The following KIAA1217 variants were observed in gnomAD, a reference collection of about 807,000 sequenced individuals.
KIAA1217 encodes sickle tail protein homolog.
KIAA1217 carries 88 observed loss-of-function variants against 163.9 expected under a neutral mutation model. The observed-to-expected ratio is 0.54, with a 90% CI of 0.45 to 0.64. The LOEUF (loss-of-function observed/expected upper bound fraction) is 0.64. KIAA1217 is among the 30% of genes least tolerant of loss of function. KIAA1217 has a pLI of 0.00. For missense variants in KIAA1217, 2,372 were observed against 2,475.0 expected, an observed-to-expected ratio of 0.96 and a Z score of 0.88; for synonymous variants, 903 against 923.1, an observed-to-expected ratio of 0.98 and a Z score of 0.39.
intron 1 of KIAA1217, among the ~76,000 whole-genome samples, chr10:23,887,918 T>G (rs780164970): frequency 2.3e-4 from 35 of 151,954 alleles, no homozygotes; most frequent in Non-Finnish European, 4.4e-4. Context: ...GGCCAGTGCT[T>G]ATGATATATC....
chr10:24,448,538 C>A (rs1482372697), intron 5 of KIAA1217, among the ~76,000 whole-genome samples: 2 of 152,154 alleles, frequency 1.3e-5, no homozygotes, highest in African/African-American at 4.8e-5. Context: ...TGGCACACAC[C>A]ACAATACTTG....
chr10:23,943,584 T>A (rs568134830), intron 1 of KIAA1217, among the ~76,000 whole-genome samples: 27 of 152,366 alleles, frequency 1.8e-4, no homozygotes, highest in African/African-American at 6.3e-4. Flanking sequence ...TGATTGAAAC[T>A]GCAACAGGCA....
chr10:23,920,275 G>A (rs571026848), intron 1 of KIAA1217, among the ~76,000 whole-genome samples: 2 of 152,286 alleles, frequency 1.3e-5, no homozygotes, highest in East Asian at 3.9e-4. Flanking sequence ...TTGTGACCAT[G>A]GAGATCCAGC....
Position 23,837,516 on chromosome 10 carries a change from C to T in KIAA1217, c.-321+142282C>T, listed in dbSNP as rs147113343. ...TGTTTCACTATTGAAATGACACATT[C>T]ACCTTTCCAGCAATCTCAGTCATTT... is the stretch of plus-strand genomic sequence containing the variant. On this transcript the variant is annotated intron_variant, in intron 1 of 18. Transcript: ENST00000376462. Among the ~76,000 whole-genome samples the T allele has an allele frequency of 1.1e-3, 171 of 152,204 alleles. 3 individuals are homozygous for T. The East Asian group carries it at 0.029, about 26-fold the overall frequency.
intron 2 of KIAA1217, among the ~76,000 whole-genome samples, chr10:24,063,236 T>A (rs915388312): frequency 5.3e-5 from 8 of 152,176 alleles, no homozygotes; most frequent in African/African-American, 1.7e-4. Context: ...CTGAATGGTA[T>A]TGCCTAGGTT....
chr10:23,879,844 G>C (rs1780517571), intron 1 of KIAA1217, among the ~76,000 whole-genome samples: 1 of 151,884 alleles, frequency 6.6e-6, no homozygotes, highest in Non-Finnish European at 1.5e-5. Context: ...GGAGAAGGAA[G>C]GAAGAATTGA....
At chr10:24,266,005 G>C (rs768645446) in intron 2 of KIAA1217, among the ~76,000 whole-genome samples, 5 of 151,272 alleles carry the variant, frequency 3.3e-5, no homozygotes, top group Admixed American at 6.6e-5. Flanking sequence ...AGGGCAGAAA[G>C]ATACTTTGTT....
At chr10:23,829,952 A>G (rs1291650564) in intron 1 of KIAA1217, among the ~76,000 whole-genome samples, 1 of 152,222 alleles carries the variant, frequency 6.6e-6, no homozygotes, top group African/African-American at 2.4e-5. Context: ...TAATTAGATC[A>G]AAGAATTCTC....
rs188807490 is a variant in KIAA1217, at chr10:24,423,795, G to A, written c.554-9200G>A. 3.8e-3 allele frequency among the ~76,000 whole-genome samples: 574 copies of A among 152,166 alleles called. 3 individuals are homozygous for A. Among genetic ancestry groups the A allele is most frequent in the African/African-American group, 0.013 (533 of 41,518 alleles). On this transcript the variant is annotated intron_variant, in intron 3 of 20. Coordinates refer to ENST00000376454, the MANE Select transcript of KIAA1217 (RefSeq NM_019590.5). The stretch of plus-strand genomic sequence containing the variant: ...AAGTGATCCACCCACCTTGGCCTCC[G>A]AAAGTTCTGGGATTACAGGCATGAG...
intron 2 of KIAA1217, among the ~76,000 whole-genome samples, chr10:24,236,723 C>T (rs2072323128): frequency 6.6e-6 from 1 of 151,294 alleles, no homozygotes; most frequent in Admixed American, 6.6e-5. Context: ...GCAAACATAG[C>T]TCACTGCAGC....
At chr10:23,776,839 C>A (rs936495146) in intron 1 of KIAA1217, among the ~76,000 whole-genome samples, 4 of 151,844 alleles carry the variant, frequency 2.6e-5, no homozygotes, top group Admixed American at 6.6e-5. Context: ...CACCACCACA[C>A]CCGGCTAATT....
At chr10:24,218,879 T>G (rs1196043530) in intron 1 of KIAA1217, among the ~76,000 whole-genome samples, 1 of 152,162 alleles carries the variant, frequency 6.6e-6, no homozygotes, top group Non-Finnish European at 1.5e-5. Context: ...CATGTGTCAA[T>G]GATTACTTAC....
rs375291537 is a variant in KIAA1217, at chr10:24,316,818, A to G, written c.355-64051A>G. ...TTTCCGAGCCAGAGATTAGATGCCT[A>G]CATATCTCTTTTGGCCTCAGCATTC... is the stretch of plus-strand genomic sequence containing the variant. On this transcript the variant is annotated intron_variant, in intron 2 of 20. Transcript: ENST00000376454. Among the ~76,000 whole-genome samples the G allele has an allele frequency of 9.4e-4, 143 of 152,324 alleles. 3 individuals carry two copies. The South Asian group carries it at 0.028, about 30-fold the overall frequency.
At chr10:23,986,964 G>T (rs1296103609) in intron 1 of KIAA1217, among the ~76,000 whole-genome samples, 1 of 152,138 alleles carries the variant, frequency 6.6e-6, no homozygotes, top group East Asian at 1.9e-4. Flanking sequence ...TTGTCAGGGG[G>T]CCTTCACAGA....
chr10:23,912,733 T>G (rs1482949261), intron 1 of KIAA1217, among the ~76,000 whole-genome samples: 4 of 152,178 alleles, frequency 2.6e-5, no homozygotes, highest in African/African-American at 9.6e-5. Context: ...AGGTAAAATT[T>G]TAAGACAGTG....
At chr10:24,241,385 T>TA (rs2073076379) in intron 2 of KIAA1217, among the ~76,000 whole-genome samples, 1 of 152,192 alleles carries the variant, frequency 6.6e-6, no homozygotes, top group Non-Finnish European at 1.5e-5. Context: ...ATTTTTATAT[T>TA]AATTATGCTT....
chr10:24,012,752 G>A (rs1003681466), intron 2 of KIAA1217, among the ~76,000 whole-genome samples: 1 of 152,142 alleles, frequency 6.6e-6, no homozygotes, highest in African/African-American at 2.4e-5. Context: ...GTAGAGACAA[G>A]AGAAGTCAAG....
At chr10:24,047,141 A>G (rs968169642) in intron 2 of KIAA1217, among the ~76,000 whole-genome samples, 4 of 152,234 alleles carry the variant, frequency 2.6e-5, no homozygotes, top group Non-Finnish European at 5.9e-5. Context: ...AAATAAATTA[A>G]AGGATACATT....
chr10:23,790,610 C>T (rs1835877945), intron 1 of KIAA1217, among the ~76,000 whole-genome samples: 1 of 123,128 alleles, frequency 8.1e-6, no homozygotes. Flanking sequence ...TACATATATA[C>T]ATATGTATAT....
Sources: gnomAD v4.1 joint callset for allele counts (sites outside exome capture counted in the v4.1 genomes callset) on GRCh38, gnomAD v4.1.1 for gene constraint, MANE v1.5 for transcripts, NCBI Gene and HGNC (gene_info 2026-07-23, HGNC 2026-07-21) for gene names.